The following SRGAP2 variants were observed in gnomAD, a reference collection of about 807,000 sequenced individuals.
SRGAP2 encodes the protein SLIT-ROBO Rho GTPase activating protein 2.
SRGAP2 carries 15 observed loss-of-function variants against 57.2 expected under a neutral mutation model. That is an observed-to-expected ratio of 0.26 (90% confidence interval 0.18 to 0.40). The LOEUF is 0.40. SRGAP2 is among the 10% of genes least tolerant of loss of function. The pLI is 1.00. For missense variants in SRGAP2, 520 were observed against 669.6 expected (o/e 0.78, Z 2.47); for synonymous variants, 249 against 248.0 (o/e 1.00, Z -0.04).
intron 3 of SRGAP2, among the ~76,000 whole-genome samples, chr1:206,308,185 G>A (rs1450330320): frequency 4.5e-4 from 42 of 94,226 alleles, no homozygotes; most frequent in Non-Finnish European, 4.9e-4. Flanking sequence ...ACAAGGCATT[G>A]GAAAATACAA....
intron 13 of SRGAP2, among the ~76,000 whole-genome samples, chr1:206,422,265 T>G (rs900346634): frequency 6.6e-6 from 1 of 152,254 alleles, no homozygotes; most frequent in East Asian, 1.9e-4. Flanking sequence ...ACCATTAAGC[T>G]GGGGAACTTG....
In SRGAP2 at chr1:206,337,867, T is replaced by C. The variant is rs1488419753; in HGVS notation, c.261-4979T>C. On this transcript the variant is annotated intron_variant, in intron 3 of 22. Transcript: ENST00000573034. ...AAGAACCATAATAGAGAGGCCAACT[T>C]GGACCTTTATGGACTTGGCTCTTCA... Among the ~76,000 whole-genome samples the C allele has an allele frequency of 9.5e-5, 14 of 147,890 alleles. No individual in the cohort carries two copies. The East Asian group carries it at 2.7e-3, about 28-fold the overall frequency.
chr1:206,454,214 T>A lies in SRGAP2; in HGVS notation c.2361-664T>A. 1 of 702,364 alleles carries A rather than the reference T, an allele frequency of 1.4e-6. No homozygotes were observed. The highest frequency in any genetic ancestry group is 1.5e-5 in the South Asian group (1 of 67,522). The allele number at this position is 702,364 out of a possible 1,614,324, so 43.5% of individuals were successfully genotyped here. A position where few individuals can be genotyped will look rare whatever the true frequency, so the allele number is the denominator to read the frequency against. On this transcript the variant is annotated intron_variant, in intron 20 of 22. Transcript: ENST00000573034. This position sits in a 1 kb window ranked among gnomAD's most constrained non-coding sequence, Gnocchi z 4.3. ...TCGTTCTGCAGGGAAATCCTCCCTC[T>A]GTTGATAGCATCGCAAACCTGGTGG...
At chr1:206,438,174 TC>T (rs1661946985) in intron 16 of SRGAP2, 76 bp downstream of exon 16, 1 of 725,452 alleles carries the variant, frequency 1.4e-6, no homozygotes, top group Admixed American at 2.0e-5. Flanking sequence ...TTCCACAGGG[TC>T]TGTGTGTTCT....
rs1269654162 is a variant in SRGAP2, at chr1:206,393,556, G to A, written c.714G>A (p.Lys238=). The A allele has an allele frequency of 3.9e-6, 3 of 779,012 alleles. No homozygotes were observed. The highest frequency in any genetic ancestry group is 7.2e-6 in the Non-Finnish European group (3 of 417,452). The allele number at this position is 779,012 out of a possible 1,614,324, so 48.3% of individuals were successfully genotyped here. Reference sequence around the variant, plus strand: ...TGTTTCCTTTTCAGCGTCAAGCCAAGTACACGGAGAATAAGCTGAAGGCCA... The same window carrying A: ...TGTTTCCTTTTCAGCGTCAAGCCAAATACACGGAGAATAAGCTGAAGGCCA... ...IEKMKEKRQA[K]YTENKLKAIK... Residue 238 remains lysine, a synonymous_variant, in exon 7 of 23, where the codon AAG becomes AAA. Transcript: ENST00000573034.
At chr1:206,381,283 A>G (rs1389292383) in intron 4 of SRGAP2, among the ~76,000 whole-genome samples, 1 of 150,862 alleles carries the variant, frequency 6.6e-6, no homozygotes, top group African/African-American at 2.4e-5. Flanking sequence ...GAGGAATAGG[A>G]GCTTTCTCCT....
chr1:206,335,936 A>G (rs797041203), intron 3 of SRGAP2, among the ~76,000 whole-genome samples: 5 of 152,206 alleles, frequency 3.3e-5, no homozygotes, highest in Non-Finnish European at 5.9e-5. Context: ...AAATTTGGGG[A>G]CCATTCCTAG....
intron 3 of SRGAP2, among the ~76,000 whole-genome samples, chr1:206,314,163 T>G (rs1366667637): frequency 6.6e-6 from 1 of 151,396 alleles, no homozygotes; most frequent in Non-Finnish European, 1.5e-5. Context: ...AGATGGAGTT[T>G]CGCTCTTGTT....
chr1:206,339,177 T>C (rs1165053269), intron 3 of SRGAP2, among the ~76,000 whole-genome samples: 2 of 150,330 alleles, frequency 1.3e-5, no homozygotes, highest in African/African-American at 4.9e-5. Context: ...TTCCCCTTCA[T>C]AAATATTAAT....
intron 2 of SRGAP2, among the ~76,000 whole-genome samples, chr1:206,255,801 T>G (rs1669147385): frequency 6.6e-6 from 1 of 152,122 alleles, no homozygotes; most frequent in Admixed American, 6.5e-5. Context: ...ATGCAGACAG[T>G]AGGGAAAAAG....
chr1:206,266,840 T>C (rs1553314632), intron 2 of SRGAP2, among the ~76,000 whole-genome samples: 2 of 148,484 alleles, frequency 1.3e-5, no homozygotes, highest in Non-Finnish European at 3.0e-5. Context: ...TAGGATATTA[T>C]GGAGCCAAGA....
rs555209907 is a variant in SRGAP2 at position 206,457,680 on chromosome 1, A to G, written c.2508-943A>G. On this transcript the variant is annotated intron_variant, in intron 21 of 22. Coordinates refer to ENST00000573034, the MANE Select transcript of SRGAP2 (RefSeq NM_015326.5). ...GCAGAAAGATGAGGAAGACCTCAGC[A>G]GTGAACAGGACTAGGACTGGCTTAG... is the stretch of plus-strand genomic sequence containing the variant. Among the ~76,000 whole-genome samples, 11 of 152,350 alleles carry G rather than the reference A, an allele frequency of 7.2e-5. No individual in the cohort carries two copies. In the East Asian group the frequency reaches 2.1e-3, roughly 29 times the overall value.
chr1:206,401,842 A>G (rs1265001993), intron 8 of SRGAP2, among the ~76,000 whole-genome samples, 197 bp downstream of exon 8: 1 of 152,096 alleles, frequency 6.6e-6, no homozygotes, highest in African/African-American at 2.4e-5. Flanking sequence ...GGGTGCAGAC[A>G]TGGGGGATTA....
At chr1:206,306,311 G>A (rs1672193521) in intron 3 of SRGAP2, among the ~76,000 whole-genome samples, 1 of 151,916 alleles carries the variant, frequency 6.6e-6, no homozygotes, top group South Asian at 2.1e-4. Context: ...TCGTGGTCTC[G>A]CTGGCTCAGG....
At chr1:206,446,914 G>A (rs1304103614) in intron 18 of SRGAP2, among the ~76,000 whole-genome samples, 1 of 152,122 alleles carries the variant, frequency 6.6e-6, no homozygotes, top group Non-Finnish European at 1.5e-5. Context: ...GAATCCCTGG[G>A]ATATATGTTT....
chr1:206,255,132 T>C (rs77249398), intron 2 of SRGAP2, among the ~76,000 whole-genome samples: 26,147 of 95,094 alleles, frequency 0.27, 3,922 homozygotes, highest in East Asian at 0.53. Flanking sequence ...CTGAAACCCT[T>C]CCTCACCTCA....
chr1:206,313,587 C>T (rs1233649650), intron 3 of SRGAP2, among the ~76,000 whole-genome samples: 1 of 151,920 alleles, frequency 6.6e-6, no homozygotes, highest in Non-Finnish European at 1.5e-5. Flanking sequence ...AAGAAGTGGA[C>T]AAAGGTAGAT....
At chr1:206,433,823 A>G (rs2103303864) in intron 14 of SRGAP2, among the ~76,000 whole-genome samples, 1 of 152,300 alleles carries the variant, frequency 6.6e-6, no homozygotes, top group South Asian at 2.1e-4. Context: ...AGATAAAAAG[A>G]TCTCTAAACA....
At chr1:206,383,726 C>T (rs1655925644) in intron 4 of SRGAP2, among the ~76,000 whole-genome samples, 1 of 147,556 alleles carries the variant, frequency 6.8e-6, no homozygotes, top group South Asian at 2.1e-4. Context: ...ATGTGGCTTT[C>T]AGGCCTGCTC....
Sources: gnomAD v4.1 joint callset for allele counts (sites outside exome capture counted in the v4.1 genomes callset) on GRCh38, gnomAD v4.1.1 for gene constraint, Gnocchi (gnomAD v3.1) non-coding constraint, MANE v1.5 for transcripts, NCBI Gene and HGNC (gene_info 2026-07-23, HGNC 2026-07-21) for gene names.